The following GALNT17 variants were observed in gnomAD, a reference collection of about 807,000 sequenced individuals.
GALNT17 encodes polypeptide N-acetylgalactosaminyltransferase 17.
In GALNT17, 29 loss-of-function variants were observed where a neutral mutation model predicts 63.7. The ratio of observed to expected loss-of-function variants is 0.46; its 90% confidence interval spans 0.34 to 0.62. GALNT17 has a LOEUF of 0.62. Ranked by LOEUF, GALNT17 falls within the 20% of genes least tolerant of loss-of-function variation. GALNT17 has a pLI of 0.01. For synonymous variants in GALNT17, 305 were observed against 318.3 expected (o/e 0.96, Z 0.45); for missense variants, 603 against 799.6 (o/e 0.75, Z 2.97).
At chr7:71,367,683 A>G (rs1291397870) in intron 2 of GALNT17, among the ~76,000 whole-genome samples, 2 of 152,066 alleles carry the variant, frequency 1.3e-5, no homozygotes, top group Non-Finnish European at 2.9e-5. Context: ...AGCTCCTTTC[A>G]AATTTAATTT....
chr7:71,473,317 C>T (rs1347678381), intron 5 of GALNT17, among the ~76,000 whole-genome samples: 2 of 152,172 alleles, frequency 1.3e-5, no homozygotes, highest in African/African-American at 4.8e-5. Context: ...GTGTCAGACT[C>T]TTAGCTAATC....
intron 5 of GALNT17, among the ~76,000 whole-genome samples, chr7:71,543,127 G>T (rs2116811301): frequency 6.6e-6 from 1 of 151,594 alleles, no homozygotes; most frequent in South Asian, 2.1e-4. Flanking sequence ...TTTGAGTTAT[G>T]GTTTCATTTC....
At chr7:71,463,499 G>T (rs1270629450) in intron 5 of GALNT17, among the ~76,000 whole-genome samples, 2 of 152,124 alleles carry the variant, frequency 1.3e-5, no homozygotes, top group Non-Finnish European at 2.9e-5. Context: ...ACAGTCCAAG[G>T]TGAGTCCATA....
At chr7:71,474,157 G>A (rs1170754444) in intron 5 of GALNT17, among the ~76,000 whole-genome samples, 1 of 152,152 alleles carries the variant, frequency 6.6e-6, no homozygotes, top group African/African-American at 2.4e-5. Flanking sequence ...AAACTGTCAT[G>A]GTGCTGGTGG....
At chr7:71,160,359 T>G (rs1157625228) in intron 1 of GALNT17, among the ~76,000 whole-genome samples, 2 of 152,232 alleles carry the variant, frequency 1.3e-5, no homozygotes, top group Non-Finnish European at 2.9e-5. Flanking sequence ...AGTGATTCGT[T>G]GAGTTCCTTC....
chr7:71,440,666 G>A (rs183628145), intron 5 of GALNT17, among the ~76,000 whole-genome samples: 3 of 152,256 alleles, frequency 2.0e-5, no homozygotes, highest in East Asian at 1.9e-4. Flanking sequence ...GAGCCACCGC[G>A]CCTGGCCAGT....
At chr7:71,465,451 TATG>T (rs1218325290) in intron 5 of GALNT17, among the ~76,000 whole-genome samples, 2 of 152,196 alleles carry the variant, frequency 1.3e-5, no homozygotes, top group South Asian at 2.1e-4. Flanking sequence ...AGAAAAGCTT[TATG>T]ATAACTTTAT....
chr7:71,386,694 A>G (rs1228084512), intron 2 of GALNT17, among the ~76,000 whole-genome samples: 2 of 152,158 alleles, frequency 1.3e-5, no homozygotes, highest in African/African-American at 2.4e-5. Context: ...GCGCTCGGGC[A>G]TATGAGGGCT....
chr7:71,323,640 A>G (rs1192891784), intron 1 of GALNT17, among the ~76,000 whole-genome samples: 3 of 152,296 alleles, frequency 2.0e-5, no homozygotes, highest in Non-Finnish European at 2.9e-5. Context: ...CTAGGGAATC[A>G]ATGATGATTT....
chr7:71,457,766 T>G (rs548209653), intron 5 of GALNT17, among the ~76,000 whole-genome samples: 17 of 152,314 alleles, frequency 1.1e-4, no homozygotes, highest in Middle Eastern at 3.4e-3. Context: ...TTGTTTTTGA[T>G]CAACAAAGTT....
chr7:71,204,250 C>G (rs1789226807), intron 1 of GALNT17, among the ~76,000 whole-genome samples: 1 of 152,114 alleles, frequency 6.6e-6, no homozygotes, highest in Non-Finnish European at 1.5e-5. Flanking sequence ...TTCTGTTCCA[C>G]TGGTTGATGT....
chr7:71,703,663 A>G (rs1433912999), intron 9 of GALNT17, among the ~76,000 whole-genome samples: 3 of 152,226 alleles, frequency 2.0e-5, no homozygotes, highest in Non-Finnish European at 4.4e-5. Context: ...TTAGGTTTCA[A>G]GGCATTAAAG....
rs569392184 is a variant in GALNT17, at chr7:71,579,997, T to G, written c.1080+8595T>G. ...ATAGATGATAGATTAATGATAGAGA[T>G]AGTAGGTAATAGAGATATAGACGAT... On this transcript the variant is annotated intron_variant, in intron 6 of 10. Transcript: ENST00000333538. 1.7e-4 allele frequency among the ~76,000 whole-genome samples: 26 copies of G among 151,722 alleles called. 1 individual carries two copies. In the South Asian group the frequency reaches 5.4e-3, roughly 32 times the overall value.
In GALNT17 at chr7:71,362,235, G is replaced by A. The variant is rs532275317; in HGVS notation, c.423-26000G>A. On this transcript the variant is annotated intron_variant, in intron 2 of 10. Coordinates refer to ENST00000333538, the MANE Select transcript of GALNT17 (RefSeq NM_022479.3). ...GGCCTCCCAAAATGTTGGGATTATAGGCGTGAGCCACCGCGCCCGGCTTTG... is the reference window on the plus strand; with the variant it reads ...GGCCTCCCAAAATGTTGGGATTATAAGCGTGAGCCACCGCGCCCGGCTTTG... Among the ~76,000 whole-genome samples the A allele has an allele frequency of 4.6e-5, 7 of 152,264 alleles. No individual in the cohort carries two copies. The East Asian group carries it at 1.4e-3, about 29-fold the overall frequency.
intron 5 of GALNT17, among the ~76,000 whole-genome samples, chr7:71,511,084 A>T (rs1788347750): frequency 6.6e-6 from 1 of 152,140 alleles, no homozygotes; most frequent in African/African-American, 2.4e-5. Context: ...CAGGAGGCTG[A>T]GGCAGGAGGA....
intron 1 of GALNT17, among the ~76,000 whole-genome samples, chr7:71,143,347 A>C (rs1787952316): frequency 6.8e-6 from 1 of 147,210 alleles, no homozygotes; most frequent in Admixed American, 7.0e-5. Flanking sequence ...ACTTGAACTC[A>C]GGAGGTGGAG....
chr7:71,679,597 G>T (rs533754369), intron 9 of GALNT17, among the ~76,000 whole-genome samples: 1 of 152,064 alleles, frequency 6.6e-6, no homozygotes, highest in Non-Finnish European at 1.5e-5. Context: ...CGTAACCCAC[G>T]GTGCTGGGGC....
chr7:71,150,204 G>T (rs1788104091), intron 1 of GALNT17, among the ~76,000 whole-genome samples: 1 of 152,162 alleles, frequency 6.6e-6, no homozygotes, highest in Admixed American at 6.5e-5. Flanking sequence ...GGAAGGGAAA[G>T]AACATGTTTT....
chr7:71,448,864 A>C (rs1325508796), intron 5 of GALNT17, among the ~76,000 whole-genome samples: 1 of 152,106 alleles, frequency 6.6e-6, no homozygotes, highest in Non-Finnish European at 1.5e-5. Context: ...ATAAATTATA[A>C]AGCCAAGAAA....
Sources: allele counts gnomAD v4.1 joint callset (sites outside exome capture counted in the v4.1 genomes callset), GRCh38; gene constraint gnomAD v4.1.1; transcripts MANE v1.5; gene names NCBI Gene and HGNC (gene_info 2026-07-23, HGNC 2026-07-21).